The following CCDC192 variants were observed in gnomAD, a reference collection of about 807,000 sequenced individuals.
CCDC192 encodes the protein coiled-coil domain containing 192.
At chr5:127,841,357 A>G (rs1049454171) in intron 5 of CCDC192, among the ~76,000 whole-genome samples, 1 of 152,180 alleles carries the variant, frequency 6.6e-6, no homozygotes, top group African/African-American at 2.4e-5. Context: ...CAGGGGAAAG[A>G]TTCATCAATG....
intron 2 of CCDC192, among the ~76,000 whole-genome samples, chr5:127,729,802 A>C (rs890695338): frequency 6.6e-6 from 1 of 152,186 alleles, no homozygotes; most frequent in Non-Finnish European, 1.5e-5. Context: ...GGCAGAAAAC[A>C]AGAAGTTCTT....
intron 3 of CCDC192, among the ~76,000 whole-genome samples, chr5:127,756,570 T>C (rs1754612003): frequency 6.6e-6 from 1 of 152,226 alleles, no homozygotes; most frequent in South Asian, 2.1e-4. Flanking sequence ...CTGCAAAATA[T>C]CTGAAGCACT....
At chr5:127,724,948 A>G (rs1012484267) in intron 2 of CCDC192, among the ~76,000 whole-genome samples, 1 of 152,148 alleles carries the variant, frequency 6.6e-6, no homozygotes, top group Non-Finnish European at 1.5e-5. Context: ...CACCATCTCA[A>G]CTAAAGAAAT....
At chr5:127,897,627 A>G (rs1752930119) in intron 6 of CCDC192, among the ~76,000 whole-genome samples, 1 of 152,238 alleles carries the variant, frequency 6.6e-6, no homozygotes, top group African/African-American at 2.4e-5. Context: ...ATGCAATTTT[A>G]GAAAAAGTGC....
At chr5:127,882,020 G>A (rs1449446870) in intron 6 of CCDC192, among the ~76,000 whole-genome samples, 1 of 152,146 alleles carries the variant, frequency 6.6e-6, no homozygotes, top group Non-Finnish European at 1.5e-5. Context: ...ACACATGCAT[G>A]TCCCCATTAT....
intron 5 of CCDC192, among the ~76,000 whole-genome samples, chr5:127,852,084 T>G (rs1227758758): frequency 6.6e-6 from 1 of 152,236 alleles, no homozygotes; most frequent in Admixed American, 6.5e-5. Flanking sequence ...TCAATAATTC[T>G]TATTTTGTGC....
intron 5 of CCDC192, among the ~76,000 whole-genome samples, chr5:127,857,319 A>G (rs1228652222): frequency 1.3e-5 from 2 of 151,754 alleles, no homozygotes; most frequent in African/African-American, 4.8e-5. Flanking sequence ...CAACTTTCCC[A>G]CCCTTATCCA....
intron 3 of CCDC192, among the ~76,000 whole-genome samples, chr5:127,757,100 T>A (rs1754643315): frequency 6.6e-6 from 1 of 152,202 alleles, no homozygotes; most frequent in Non-Finnish European, 1.5e-5. Context: ...AGGTGTTTTG[T>A]GGGAAAGACA....
At chr5:127,854,224 A>C (rs245190) in intron 5 of CCDC192, among the ~76,000 whole-genome samples, 4 of 152,124 alleles carry the variant, frequency 2.6e-5, no homozygotes, top group Non-Finnish European at 5.9e-5. Context: ...TCAATCCTAC[A>C]CATTTTTTCT....
rs374201798 is a variant in CCDC192 at position 127,809,660 on chromosome 5, C to T, written c.411+11498C>T. 2.6e-5 allele frequency among the ~76,000 whole-genome samples: 4 copies of T among 152,100 alleles called. No individual in the cohort carries two copies. The East Asian group carries it at 5.8e-4, about 22-fold the overall frequency. On this transcript the variant is annotated intron_variant, in intron 5 of 6. Coordinates refer to ENST00000514853, the MANE Select transcript of CCDC192 (RefSeq NM_001317938.2). ...TAGTTAATCTTTCCTTATTGTAATT[C>T]TAGGCTAGCTAGTATTGCATATAGT... is the stretch of plus-strand genomic sequence containing the variant.
chr5:127,794,288 G>A (rs1757042740), intron 3 of CCDC192, among the ~76,000 whole-genome samples: 1 of 152,098 alleles, frequency 6.6e-6, no homozygotes. Flanking sequence ...TTGGGTGTAG[G>A]GAGTCAAACC....
At chr5:127,929,460 A>G (rs1023281764) in intron 6 of CCDC192, among the ~76,000 whole-genome samples, 2 of 152,184 alleles carry the variant, frequency 1.3e-5, no homozygotes, top group African/African-American at 2.4e-5. Context: ...GTAGAGATGT[A>G]TAGTTGCACA....
At chr5:127,774,456 A>G (rs1355570578) in intron 3 of CCDC192, among the ~76,000 whole-genome samples, 1 of 152,220 alleles carries the variant, frequency 6.6e-6, no homozygotes, top group Admixed American at 6.5e-5. Flanking sequence ...GTCCAACTTC[A>G]AGTTCTAACA....
intron 6 of CCDC192, among the ~76,000 whole-genome samples, chr5:127,938,649 C>A (rs1043718147): frequency 1.3e-5 from 2 of 152,196 alleles, no homozygotes; most frequent in African/African-American, 4.8e-5. Flanking sequence ...ACAATGTATT[C>A]TAAATATTAT....
intron 5 of CCDC192, among the ~76,000 whole-genome samples, chr5:127,867,103 T>C (rs1751644922): frequency 6.6e-6 from 1 of 152,224 alleles, no homozygotes; most frequent in Non-Finnish European, 1.5e-5. Flanking sequence ...GAATATTCAT[T>C]GGGAAAGTTA....
intron 6 of CCDC192, among the ~76,000 whole-genome samples, chr5:127,917,402 C>T (rs754152884): frequency 6.6e-6 from 1 of 152,198 alleles, no homozygotes; most frequent in South Asian, 2.1e-4. Flanking sequence ...CTTGGCTAAC[C>T]GGCGCAAGGG....
intron 6 of CCDC192, among the ~76,000 whole-genome samples, chr5:127,913,040 T>C (rs930835890): frequency 1.3e-5 from 2 of 152,230 alleles, no homozygotes; most frequent in Admixed American, 6.5e-5. Context: ...GGAAATGTTC[T>C]GGTTTATATG....
In CCDC192 at chr5:127,782,924, G is replaced by A. The variant is rs1177248205; in HGVS notation, c.223-14179G>A. ...TAGATTGTCAGTTTGTGCTCTGTCA[G>A]TCTTTTTGATGCAGAGTTTTAGGGC... On this transcript the variant is annotated intron_variant, in intron 3 of 6. Coordinates refer to ENST00000514853, the MANE Select transcript of CCDC192 (RefSeq NM_001317938.2). Among the ~76,000 whole-genome samples the A allele has an allele frequency of 2.0e-5, 3 of 151,020 alleles. No homozygotes were observed. The East Asian group carries it at 5.8e-4, about 29-fold the overall frequency.
chr5:127,779,258 A>G (rs747165845), intron 3 of CCDC192, among the ~76,000 whole-genome samples: 1 of 152,066 alleles, frequency 6.6e-6, no homozygotes, highest in Admixed American at 6.6e-5. Flanking sequence ...TACATTTTAT[A>G]TGTGCATATA....
Sources: gnomAD v4.1 joint callset for allele counts (sites outside exome capture counted in the v4.1 genomes callset) on GRCh38, gnomAD v4.1.1 for gene constraint, MANE v1.5 for transcripts, NCBI Gene and HGNC (gene_info 2026-07-23, HGNC 2026-07-21) for gene names.